Variants in CTNNA2 observed in about 807,000 individuals in gnomAD.
The protein encoded by CTNNA2 is catenin alpha 2.
CTNNA2 carries 42 observed loss-of-function variants against 101.0 expected under a neutral mutation model. The observed-to-expected ratio is 0.42, with a 90% CI of 0.32 to 0.54. The LOEUF (loss-of-function observed/expected upper bound fraction) is 0.54, where lower values mean the gene tolerates loss of function less well. CTNNA2 is among the 20% of genes least tolerant of loss of function. The pLI, the probability that CTNNA2 is intolerant of heterozygous loss-of-function variation, is 0.14. For synonymous variants in CTNNA2, 450 were observed against 456.4 expected (o/e 0.99, Z 0.18); for missense variants, 871 against 1,223.1 (o/e 0.71, Z 4.29).
intron 7 of CTNNA2, among the ~76,000 whole-genome samples, chr2:80,272,763 T>C (rs1246302004): frequency 6.6e-6 from 1 of 152,256 alleles, no homozygotes; most frequent in Non-Finnish European, 1.5e-5. Flanking sequence ...CTACTTATGC[T>C]AAAAATAATT....
intron 15 of CTNNA2, among the ~76,000 whole-genome samples, chr2:80,589,904 G>GTGTGTGCT (rs1553400672): frequency 6.0e-5 from 5 of 82,662 alleles, no homozygotes; most frequent in Middle Eastern, 6.6e-3. Context: ...GTGTGTGTGT[G>GTGTGTGCT]TGCGCGCGCG....
intron 7 of CTNNA2, among the ~76,000 whole-genome samples, chr2:80,039,906 A>C (rs1291789754): frequency 6.6e-6 from 1 of 152,260 alleles, no homozygotes; most frequent in African/African-American, 2.4e-5. Context: ...GATTTATCGC[A>C]AACTTAAAAT....
intron 7 of CTNNA2, among the ~76,000 whole-genome samples, chr2:80,221,937 C>A (rs1306321606): frequency 6.6e-6 from 1 of 152,182 alleles, no homozygotes. Flanking sequence ...AGGAGTTTGG[C>A]TTTTTATCTA....
chr2:80,364,646 G>A lies in CTNNA2; in HGVS notation c.1057-28565G>A, dbSNP rs187028501. Among the ~76,000 whole-genome samples the A allele has an allele frequency of 1.2e-3, 166 of 140,986 alleles. 1 individual carries two copies. Among genetic ancestry groups the A allele is most frequent in the African/African-American group, 4.1e-3 (155 of 38,182 alleles). 92.5% of individuals were successfully genotyped at this position (140,986 alleles called of 152,430 possible). On this transcript the variant is annotated intron_variant, in intron 7 of 18. Coordinates refer to ENST00000402739, the MANE Select transcript of CTNNA2 (RefSeq NM_001282597.3). ...TTTAAGTACTTTGTATCTTCCCTCT[G>A]ACACTCCTCATACTTTTCTTTCCTC... is the stretch of plus-strand genomic sequence containing the variant.
At chr2:80,626,207 C>T (rs953112293) in intron 18 of CTNNA2, among the ~76,000 whole-genome samples, 2 of 151,904 alleles carry the variant, frequency 1.3e-5, no homozygotes, top group African/African-American at 4.8e-5. Flanking sequence ...AAACATACAA[C>T]TAGAGTTATT....
chr2:80,053,044 T>A (rs1696980434), intron 7 of CTNNA2, among the ~76,000 whole-genome samples: 1 of 152,222 alleles, frequency 6.6e-6, no homozygotes, highest in Non-Finnish European at 1.5e-5. Flanking sequence ...ATTTTAGGAT[T>A]ATGCCTATCA....
chr2:79,787,934 T>G (rs988878885), intron 3 of CTNNA2, among the ~76,000 whole-genome samples: 2 of 152,028 alleles, frequency 1.3e-5, no homozygotes, highest in Admixed American at 1.3e-4. Flanking sequence ...GTTACTGGGA[T>G]GAGGACATGG....
intron 1 of CTNNA2, among the ~76,000 whole-genome samples, chr2:79,554,563 A>G (rs1312194833): frequency 6.6e-6 from 1 of 152,168 alleles, no homozygotes; most frequent in East Asian, 1.9e-4. Flanking sequence ...ACCCATTGCC[A>G]GGCCATAGGA....
chr2:79,281,707 A>G (rs1675389006), intron 2 of CTNNA2, among the ~76,000 whole-genome samples: 1 of 152,214 alleles, frequency 6.6e-6, no homozygotes, highest in Admixed American at 6.5e-5. Flanking sequence ...GAAACTACCA[A>G]AGACAACAGC....
chr2:79,524,171 G>A (rs1672271429), intron 1 of CTNNA2, among the ~76,000 whole-genome samples: 1 of 151,918 alleles, frequency 6.6e-6, no homozygotes, highest in Non-Finnish European at 1.5e-5. Flanking sequence ...AGATAATTTT[G>A]AGGGAGAAGT....
chr2:79,209,232 T>C (rs1332115385), intron 2 of CTNNA2, among the ~76,000 whole-genome samples: 1 of 152,206 alleles, frequency 6.6e-6, no homozygotes, highest in African/African-American at 2.4e-5. Flanking sequence ...TCTGTTTCTA[T>C]AGAAAAGTAT....
chr2:79,278,812 G>T (rs1411808829), intron 2 of CTNNA2, among the ~76,000 whole-genome samples: 1 of 152,084 alleles, frequency 6.6e-6, no homozygotes, highest in South Asian at 2.1e-4. Context: ...ATACATCAGA[G>T]AAAAGAAGAG....
chr2:79,626,044 G>A (rs1459311038), intron 1 of CTNNA2, among the ~76,000 whole-genome samples: 1 of 152,088 alleles, frequency 6.6e-6, no homozygotes, highest in African/African-American at 2.4e-5. Context: ...TAGGAGGGAC[G>A]TTTGACCATT....
At chr2:79,725,260 T>C (rs1686759793) in intron 2 of CTNNA2, among the ~76,000 whole-genome samples, 1 of 152,242 alleles carries the variant, frequency 6.6e-6, no homozygotes, top group Non-Finnish European at 1.5e-5. Context: ...CAGGCCCAGA[T>C]GGTATGGTAG....
intron 7 of CTNNA2, among the ~76,000 whole-genome samples, chr2:80,307,624 A>G (rs371921120): frequency 3.4e-4 from 52 of 152,238 alleles, no homozygotes; most frequent in African/African-American, 1.1e-3. Flanking sequence ...TTCCCGGGTG[A>G]CCATAGATTT....
At chr2:79,743,420 G>A (rs546039820) in intron 2 of CTNNA2, among the ~76,000 whole-genome samples, 1 of 152,204 alleles carries the variant, frequency 6.6e-6, no homozygotes, top group South Asian at 2.1e-4. Context: ...TAGAAAAAGA[G>A]TAATAATAGA....
At chr2:80,612,435 AAC>A (rs1486235764) in intron 17 of CTNNA2, among the ~76,000 whole-genome samples, 2 of 151,576 alleles carry the variant, frequency 1.3e-5, no homozygotes, top group Admixed American at 6.6e-5. Context: ...CAAACATACA[AAC>A]ACAGAGCACA....
At chr2:79,949,804 A>G (rs1442550721) in intron 7 of CTNNA2, among the ~76,000 whole-genome samples, 3 of 152,190 alleles carry the variant, frequency 2.0e-5, no homozygotes, top group African/African-American at 7.2e-5. Flanking sequence ...GAGACTAATT[A>G]GCTTCTAAAA....
intron 12 of CTNNA2, among the ~76,000 whole-genome samples, chr2:80,561,128 T>A (rs192792458): frequency 6.6e-6 from 1 of 152,208 alleles, no homozygotes; most frequent in Admixed American, 6.5e-5. Context: ...GACCTGCCTA[T>A]CTCTCTGGCT....
Sources: gnomAD v4.1 joint callset for allele counts (sites outside exome capture counted in the v4.1 genomes callset) on GRCh38, gnomAD v4.1.1 for gene constraint, MANE v1.5 for transcripts, NCBI Gene and HGNC (gene_info 2026-07-23, HGNC 2026-07-21) for gene names.